PCDHA4: variants seen among roughly 807,000 people sequenced by gnomAD.
PCDHA4 encodes protocadherin alpha 4, also known as protocadherin alpha-4.
Under a neutral mutation model 61.4 loss-of-function variants are expected in PCDHA4, and 49 were observed. That is an observed-to-expected ratio of 0.80 (90% confidence interval 0.63 to 1.01). The LOEUF is 1.01. Among genes scored for constraint, PCDHA4 ranks in the 50% least tolerant of loss-of-function variants. The probability of loss-of-function intolerance (pLI) is 0.00; values close to 1 mark genes in which losing one functional copy is unlikely to be tolerated. For missense variants in PCDHA4, 1,254 were observed against 1,235.8 expected (o/e 1.01, Z -0.22); for synonymous variants, 590 against 550.3 (o/e 1.07, Z -1.01).
In PCDHA4 at chr5:140,852,432, C is replaced by A. The variant is rs185141585; in HGVS notation, c.2385+42860C>A. ...AGCTGGGATTATAGGCACATGCCAC[C>A]GCGCCCAGCTAATTTTTGTATTTTT... On this transcript the variant is annotated intron_variant, in intron 1 of 3. Transcript: ENST00000530339. 4.7e-3 allele frequency: 847 copies of A among 180,880 alleles called. 56 individuals are homozygous for A. Among genetic ancestry groups the A allele is most frequent in the South Asian group, 0.036 (183 of 5,090 alleles). 11.2% of individuals were successfully genotyped at this position (180,880 alleles called of 1,614,324 possible).
At chr5:140,830,256 G>C (rs1770932829) in intron 1 of PCDHA4, 1 of 1,613,562 alleles carries the variant, frequency 6.2e-7, no homozygotes, top group African/African-American at 1.3e-5. Flanking sequence ...ACAGCGCTGC[G>C]GTGCTCGGCG....
chr5:140,859,825 T>A (rs752840072), intron 1 of PCDHA4: 18 of 152,366 alleles, frequency 1.2e-4, no homozygotes, highest in Non-Finnish European at 2.3e-4. Context: ...AGTTTAGAAG[T>A]GTATTTGTTA....
intron 1 of PCDHA4, chr5:140,857,097 T>A: frequency 6.3e-7 from 1 of 1,597,284 alleles, no homozygotes; most frequent in South Asian, 1.1e-5. Context: ...CCTGAGGTGA[T>A]TGTCACTTCT....
intron 1 of PCDHA4, among the ~76,000 whole-genome samples, chr5:140,959,312 C>G (rs2095480226): frequency 6.6e-6 from 1 of 151,968 alleles, no homozygotes; most frequent in South Asian, 2.1e-4. Flanking sequence ...GTGGTTGAAG[C>G]TGCAATAAGT....
At position 140,809,306 on chromosome 5, in the gene PCDHA4, G is replaced by T. The variant is rs17844285; in HGVS notation, c.2119G>T (p.Val707Leu). 2.6e-3 allele frequency: 4,249 copies of T among 1,614,114 alleles called. 99 individuals are homozygous for T. The East Asian group carries it at 0.049, about 19-fold the overall frequency. Residue 707 changes from valine to leucine, a missense_variant, in exon 1 of 4, where the codon GTG becomes TTG. Transcript: ENST00000530339. ...NVYLIIAICA[V>L]SSLLVLTLLL... is the part of the protein sequence containing the mutation. ...ATACCTGATCATTGCCATCTGCGCG[G>T]TGTCCAGCCTTTTGGTGCTCACGCT...
chr5:140,945,927 G>A (rs1036727708), intron 1 of PCDHA4, among the ~76,000 whole-genome samples: 1 of 152,038 alleles, frequency 6.6e-6, no homozygotes, highest in East Asian at 1.9e-4. Flanking sequence ...ACTGATCTGA[G>A]CAATGATGTT....
intron 1 of PCDHA4, chr5:140,830,441 G>A (rs2150186537): frequency 6.2e-7 from 1 of 1,608,224 alleles, no homozygotes; most frequent in South Asian, 1.1e-5. Context: ...TATTATGATG[G>A]GTAAGGCGGA....
chr5:140,961,007 T>C (rs2095583572), intron 1 of PCDHA4, among the ~76,000 whole-genome samples: 1 of 152,230 alleles, frequency 6.6e-6, no homozygotes, highest in Non-Finnish European at 1.5e-5. Context: ...GCTGCTGGAC[T>C]GCATGGACAC....
At chr5:140,960,762 A>G (rs1164322988) in intron 1 of PCDHA4, among the ~76,000 whole-genome samples, 5 of 152,214 alleles carry the variant, frequency 3.3e-5, no homozygotes, top group Non-Finnish European at 7.3e-5. Flanking sequence ...CCCAAGAGTT[A>G]CAGAGGAGAA....
At chr5:141,006,215 TA>T (rs200576602) in intron 3 of PCDHA4, among the ~76,000 whole-genome samples, 4 of 151,640 alleles carry the variant, frequency 2.6e-5, no homozygotes, top group South Asian at 2.1e-4. Flanking sequence ...CATTTTTTTT[TA>T]AATTTTTTAT....
chr5:140,808,045 G>A lies in PCDHA4; in HGVS notation c.858G>A (p.Ser286=), dbSNP rs150161354. 8.1e-6 allele frequency: 13 copies of A among 1,613,670 alleles called. No homozygotes were observed. Among genetic ancestry groups the A allele is most frequent in the African/African-American group, 2.7e-5 (2 of 74,868 alleles). Residue 286 remains serine (S), a synonymous_variant, in exon 1 of 4, where the codon TCG becomes TCA. Coordinates refer to ENST00000530339, the MANE Select transcript of PCDHA4 (RefSeq NM_018907.4). ...DIVYSFSNDI[S]PNVKSKFHID... Reference sequence around the variant, plus strand: ...TTTATTCATTCTCAAATGATATTTCGCCAAATGTGAAATCCAAGTTTCACA... The same window carrying A: ...TTTATTCATTCTCAAATGATATTTCACCAAATGTGAAATCCAAGTTTCACA...
chr5:140,863,196 G>A (rs782500346), intron 1 of PCDHA4: 4 of 874,850 alleles, frequency 4.6e-6, no homozygotes, highest in Non-Finnish European at 7.2e-6. Flanking sequence ...TGGTGGCGTC[G>A]CTGGCGGAGA....
intron 1 of PCDHA4, chr5:140,822,062 G>T (rs997674203): frequency 3.1e-6 from 5 of 1,614,086 alleles, no homozygotes; most frequent in East Asian, 2.2e-5. Context: ...GAGCTGTGCC[G>T]GCGGAGGGCG....
intron 3 of PCDHA4, among the ~76,000 whole-genome samples, chr5:140,998,364 C>T (rs2097808386): frequency 6.6e-6 from 1 of 152,192 alleles, no homozygotes; most frequent in South Asian, 2.1e-4. Flanking sequence ...AACCACTGCA[C>T]ACACCGTCTC....
At chr5:140,969,945 A>G (rs2096371634) in intron 1 of PCDHA4, among the ~76,000 whole-genome samples, 1 of 152,214 alleles carries the variant, frequency 6.6e-6, no homozygotes, top group South Asian at 2.1e-4. Flanking sequence ...TACTGAAGCT[A>G]AAGTTTGCTT....
chr5:140,934,998 T>A (rs1242919330), intron 1 of PCDHA4, among the ~76,000 whole-genome samples: 1 of 152,198 alleles, frequency 6.6e-6, no homozygotes, highest in Non-Finnish European at 1.5e-5. Flanking sequence ...CCCTGAATCC[T>A]TTTCATGTGA....
intron 1 of PCDHA4, among the ~76,000 whole-genome samples, chr5:140,826,810 A>G (rs967929234): frequency 6.6e-6 from 1 of 152,172 alleles, no homozygotes; most frequent in African/African-American, 2.4e-5. Flanking sequence ...CTAACATGTG[A>G]TTACATATTA....
At chr5:140,856,855 T>C in intron 1 of PCDHA4, 3 of 1,594,310 alleles carry the variant, frequency 1.9e-6, no homozygotes, top group Middle Eastern at 1.7e-4. Context: ...CTGATTCGGA[T>C]GAAGGAATAA....
chr5:140,952,219 C>T (rs1442706652), intron 1 of PCDHA4, among the ~76,000 whole-genome samples: 24 of 152,086 alleles, frequency 1.6e-4, no homozygotes, highest in African/African-American at 4.8e-4. Flanking sequence ...CTTTTCCAGG[C>T]ACAGTGTGCA....
Sources: allele counts gnomAD v4.1 joint callset (sites outside exome capture counted in the v4.1 genomes callset), GRCh38; gene constraint gnomAD v4.1.1; transcripts MANE v1.5; gene names NCBI Gene and HGNC (gene_info 2026-07-23, HGNC 2026-07-21).